Variants in PCNX4 observed in about 807,000 individuals in gnomAD.
PCNX4 encodes pecanex 4.
A neutral mutation model predicts 107.2 loss-of-function variants in PCNX4; 103 were observed. The observed-to-expected ratio is 0.96, with a 90% CI of 0.82 to 1.13. The LOEUF (loss-of-function observed/expected upper bound fraction) is 1.13. PCNX4 is among the 50% of genes most tolerant of loss of function. The probability of loss-of-function intolerance (pLI) is 0.00; values close to 1 mark genes in which losing one functional copy is unlikely to be tolerated. For missense variants in PCNX4, 1,528 were observed against 1,379.4 expected (o/e 1.11, Z -1.71); for synonymous variants, 541 against 481.7 (o/e 1.12, Z -1.61).
In PCNX4 at chr14:60,140,230, C is replaced by T. The variant is rs1010211197; in HGVS notation, c.*6009C>T. ...ACAAAATATGTGCACAACTTCATGC[C>T]AATTAGTTGGAAATTTTAGATGAAG... On this transcript the variant is annotated 3_prime_UTR_variant, in exon 11 of 11. Transcript: ENST00000406854. The surrounding 1 kb of genome is among the most constrained non-coding windows in gnomAD (Gnocchi z 4.2). 3.9e-5 allele frequency: 6 copies of T among 152,120 alleles called. No individual in the cohort carries two copies. Among genetic ancestry groups the T allele is most frequent in the Middle Eastern group, 3.4e-3 (1 of 294 alleles). The allele number at this position is 152,120 out of a possible 1,614,324, so 9.4% of individuals were successfully genotyped here.
At position 60,108,046 on chromosome 14, in the gene PCNX4, T is replaced by G. The variant is rs1216112057; in HGVS notation, c.408T>G (p.Tyr136Ter). The change falls in exon 2 of 11, where the codon TAT (tyrosine) becomes TAG (stop). Residue 136 changes from tyrosine (Y) to a stop codon, truncating the protein, a stop_gained. Coordinates refer to ENST00000406854, the MANE Select transcript of PCNX4 (RefSeq NM_001330177.2). LOFTEE classifies it high-confidence loss of function. ...AATTTCTCATTCCTGGCAAGAAATA[T>G]GTAGCCAATACAGTTTTTCATTCTA... is the stretch of plus-strand genomic sequence containing the variant. ...TVKFLIPGKK[Y>*]VANTVFHSIL... 1 of 1,612,788 alleles carries G rather than the reference T, an allele frequency of 6.2e-7. No individual in the cohort carries two copies. Among genetic ancestry groups the G allele is most frequent in the African/African-American group, 1.3e-5 (1 of 74,938 alleles).
chr14:60,116,121 T>C, intron 6 of PCNX4, 61 bp downstream of exon 6: 1 of 1,418,490 alleles, frequency 7.0e-7, no homozygotes, highest in East Asian at 2.5e-5. Context: ...TATTTGTCCA[T>C]TTAGTGGTGT....
intron 7 of PCNX4, 107 bp downstream of exon 7, chr14:60,118,799 A>G (rs1895901861): frequency 1.6e-6 from 2 of 1,240,446 alleles, no homozygotes; most frequent in Non-Finnish European, 1.0e-6. Context: ...ATAGCATAAC[A>G]ACCATAACAA....
Position 60,124,733 on chromosome 14 carries a change from A to G in PCNX4, c.2562A>G (p.Pro854=), listed in dbSNP as rs749263193. Residue 854 remains proline (P), a synonymous_variant, in exon 9 of 11, where the codon CCA becomes CCG. Coordinates refer to ENST00000406854, the MANE Select transcript of PCNX4 (RefSeq NM_001330177.2). ...KDLPGTNLFI[P]GSVESQRVGD... is the part of the protein sequence containing the mutation. ...TGCCAGGTACAAATTTGTTTATTCC[A>G]GGATCAGTAGAATCACAGAGGGTTG... is the stretch of plus-strand genomic sequence containing the variant. 4 of 1,613,054 alleles carry G rather than the reference A, an allele frequency of 2.5e-6. No homozygotes were observed. Among genetic ancestry groups the G allele is most frequent in the East Asian group, 2.2e-5 (1 of 44,896 alleles).
intron 10 of PCNX4, among the ~76,000 whole-genome samples, chr14:60,130,796 T>A (rs924032882): frequency 1.3e-5 from 2 of 148,452 alleles, no homozygotes; most frequent in Non-Finnish European, 3.0e-5. Context: ...GAAATAGCAT[T>A]TTTTTTTTTT....
rs1895829037 is a variant in PCNX4 at position 60,115,472 on chromosome 14, A to G, written c.1357+11A>G. ...TTTTGCTAACTTTAGGTAGGAAGAT[A>G]AAGTCTATTAACCTTGTGTTACAAA... On this transcript the variant is annotated intron_variant, in intron 4 of 10. Transcript: ENST00000406854. 4 of 1,514,652 alleles carry G rather than the reference A, an allele frequency of 2.6e-6. No individual in the cohort carries two copies. 93.8% of individuals were successfully genotyped at this position (1,514,652 alleles called of 1,614,324 possible).
rs1423541238 is a variant in PCNX4 at position 60,092,123 on chromosome 14, C to T, written c.-350C>T. 1 of 152,382 alleles carries T rather than the reference C, an allele frequency of 6.6e-6. No individual in the cohort carries two copies. The highest frequency in any genetic ancestry group is 1.5e-5 in the Non-Finnish European group (1 of 68,136). The allele number at this position is 152,382 out of a possible 1,614,324, so 9.4% of individuals were successfully genotyped here. On this transcript the variant is annotated 5_prime_UTR_variant, in exon 1 of 11. Transcript: ENST00000406854. ...AAGCCTGCTTTACGGCAGGGCCCGCCTCGGGAGCGAGCACAGACCGGGGCA... is the reference window on the plus strand; with the variant it reads ...AAGCCTGCTTTACGGCAGGGCCCGCTTCGGGAGCGAGCACAGACCGGGGCA...
chr14:60,118,285 A>T (rs754601579), intron 6 of PCNX4, 44 bp from the exon 7 acceptor site: 22 of 1,486,840 alleles, frequency 1.5e-5, no homozygotes, highest in Non-Finnish European at 2.0e-5. Context: ...AATTCATGAA[A>T]AATCTTCTAA....
At chr14:60,098,910 C>T (rs2140529533) in intron 1 of PCNX4, among the ~76,000 whole-genome samples, 1 of 151,738 alleles carries the variant, frequency 6.6e-6, no homozygotes, top group Admixed American at 6.6e-5. Context: ...TGTACTCCAG[C>T]CTGGGCAACA....
At chr14:60,097,084 A>C (rs1303169370) in intron 1 of PCNX4, among the ~76,000 whole-genome samples, 1 of 152,168 alleles carries the variant, frequency 6.6e-6, no homozygotes, top group African/African-American at 2.4e-5. Context: ...CAAGTTTCTA[A>C]AATAAGTTGT....
At chr14:60,131,575 ACATC>A (rs1896156052) in intron 10 of PCNX4, among the ~76,000 whole-genome samples, 1 of 151,974 alleles carries the variant, frequency 6.6e-6, no homozygotes, top group East Asian at 1.9e-4. Context: ...AAATAAATAA[ACATC>A]CAGTGTTCAT....
At chr14:60,111,884 A>G (rs1895747131) in intron 2 of PCNX4, among the ~76,000 whole-genome samples, 2 of 152,194 alleles carry the variant, frequency 1.3e-5, no homozygotes, top group Non-Finnish European at 2.9e-5. Context: ...ATCCAGAAAA[A>G]TCACCTCCAG....
At chr14:60,099,816 C>T (rs182275140) in intron 1 of PCNX4, among the ~76,000 whole-genome samples, 1 of 152,156 alleles carries the variant, frequency 6.6e-6, no homozygotes, top group African/African-American at 2.4e-5. Context: ...CTAATTCCAG[C>T]ACTTTGGGAG....
chr14:60,095,948 C>G (rs958231458), intron 1 of PCNX4, among the ~76,000 whole-genome samples: 1 of 152,198 alleles, frequency 6.6e-6, no homozygotes, highest in Non-Finnish European at 1.5e-5. Flanking sequence ...GAGCAATTCT[C>G]TAGGGAATCA....
At position 60,148,172 on chromosome 14, in the gene PCNX4, T is replaced by C. The variant is rs1402946722; in HGVS notation, c.*13951T>C. The C allele has an allele frequency of 6.6e-6, 1 of 152,234 alleles. No individual in the cohort carries two copies. Among genetic ancestry groups the C allele is most frequent in the African/African-American group, 2.4e-5 (1 of 41,466 alleles). 9.4% of individuals were successfully genotyped at this position (152,234 alleles called of 1,614,324 possible). A position where few individuals can be genotyped will look rare whatever the true frequency, so the allele number is the denominator to read the frequency against. On this transcript the variant is annotated 3_prime_UTR_variant, in exon 11 of 11. Transcript: ENST00000406854. This position sits in a 1 kb window ranked among gnomAD's most constrained non-coding sequence, Gnocchi z 4.8. ...GTGTTTGTAACTTTTTACCCCCTAA[T>C]TCATTTTCACTGTCCTGCAAAGAGT...
In PCNX4 at chr14:60,145,120, T is replaced by C. The variant is rs78553540; in HGVS notation, c.*10899T>C. On this transcript the variant is annotated 3_prime_UTR_variant, in exon 11 of 11. Transcript: ENST00000406854. This position sits in a 1 kb window ranked among gnomAD's most constrained non-coding sequence, Gnocchi z 4.0. ...GGAGCTGTATCATTATGATTCACTA[T>C]TAAGAATCTTTACAAAAGTTCAGAA... 5.7e-3 allele frequency: 4,246 copies of C among 740,048 alleles called. 213 individuals carry two copies. The East Asian group carries it at 0.093, about 16-fold the overall frequency. The allele number at this position is 740,048 out of a possible 1,614,324, so 45.8% of individuals were successfully genotyped here.
intron 2 of PCNX4, among the ~76,000 whole-genome samples, chr14:60,112,361 GA>G (rs1276388109): frequency 6.6e-6 from 1 of 151,992 alleles, no homozygotes; most frequent in African/African-American, 2.4e-5. Flanking sequence ...TAAAAACTGA[GA>G]TTTTTTTTTA....
At chr14:60,094,089 A>T (rs540442249) in intron 1 of PCNX4, among the ~76,000 whole-genome samples, 35 of 152,292 alleles carry the variant, frequency 2.3e-4, no homozygotes, top group Middle Eastern at 3.4e-3. Context: ...TTCTTTATAT[A>T]GTCTAGCTAT....
chr14:60,127,991 C>T (rs1566520350), intron 10 of PCNX4, among the ~76,000 whole-genome samples: 1 of 151,954 alleles, frequency 6.6e-6, no homozygotes, highest in Non-Finnish European at 1.5e-5. Flanking sequence ...TAGATTTAAA[C>T]TGGCAGAAGA....
Sources: gnomAD v4.1 joint callset for allele counts (sites outside exome capture counted in the v4.1 genomes callset) on GRCh38, gnomAD v4.1.1 for gene constraint, Gnocchi (gnomAD v3.1) non-coding constraint, MANE v1.5 for transcripts, NCBI Gene and HGNC (gene_info 2026-07-23, HGNC 2026-07-21) for gene names.